The following BCL6 variants were observed in gnomAD, a reference collection of about 807,000 sequenced individuals.
BCL6 encodes the protein B-cell lymphoma 6 protein.
BCL6 carries 7 observed loss-of-function variants against 59.5 expected under a neutral mutation model. The observed-to-expected ratio is 0.12, with a 90% CI of 0.07 to 0.22. The LOEUF (loss-of-function observed/expected upper bound fraction) is 0.22, where lower values mean the gene tolerates loss of function less well. BCL6 is among the 10% of genes least tolerant of loss of function. The probability of loss-of-function intolerance (pLI) is 1.00; values close to 1 mark genes in which losing one functional copy is unlikely to be tolerated. For missense variants in BCL6, 685 were observed against 939.4 expected, an observed-to-expected ratio of 0.73 and a Z score of 3.54; for synonymous variants, 339 against 349.7, an observed-to-expected ratio of 0.97 and a Z score of 0.34.
intron 1 of BCL6, among the ~76,000 whole-genome samples, chr3:187,744,357 T>C (rs1576884771): frequency 6.7e-6 from 1 of 148,626 alleles, no homozygotes; most frequent in Admixed American, 6.7e-5. Context: ...CCGCCATCAG[T>C]CTCTCTCCTC....
chr3:187,744,843 G>C (rs548152060), intron 1 of BCL6, among the ~76,000 whole-genome samples: 3 of 152,170 alleles, frequency 2.0e-5, no homozygotes, highest in East Asian at 1.9e-4. Context: ...CGAGAAAAGA[G>C]GGAAAAAACA....
chr3:187,740,023 G>T (rs1176541796), intron 1 of BCL6, among the ~76,000 whole-genome samples: 4 of 152,178 alleles, frequency 2.6e-5, no homozygotes, highest in Non-Finnish European at 5.9e-5. Context: ...GACGGCTCCC[G>T]CAGTGGGAGG....
In BCL6 at chr3:187,729,714, G is replaced by C; in HGVS notation, c.691C>G (p.Pro231Ala). 1 of 1,614,086 alleles carries C rather than the reference G, an allele frequency of 6.2e-7. No individual in the cohort carries two copies. The highest frequency in any genetic ancestry group is 8.5e-7 in the Non-Finnish European group (1 of 1,179,990). Reference protein sequence around the residue: ...ANPFPKERALPCDSARPVPGE... With the variant: ...ANPFPKERALACDSARPVPGE... Reference sequence around the variant, plus strand: ...GGGACTGGCCTGGCACTATCACATGGGAGTGCCCGCTCCTTGGGGAAGGGG... The same window carrying C: ...GGGACTGGCCTGGCACTATCACATGCGAGTGCCCGCTCCTTGGGGAAGGGG... Residue 231 changes from proline to alanine, a missense_variant, in exon 5 of 10, where the codon CCA becomes GCA. Pro to Ala is a conservative substitution (Grantham distance 27). This residue lies in a region of BCL6 where 268 missense variants were observed against 263.8 expected (regional missense o/e 1.02). Coordinates refer to ENST00000406870, the MANE Select transcript of BCL6 (RefSeq NM_001706.5). The surrounding 1 kb of genome is among the most constrained non-coding windows in gnomAD (Gnocchi z 5.6).
chr3:187,744,871 A>G (rs1711834105), intron 1 of BCL6, among the ~76,000 whole-genome samples: 1 of 152,280 alleles, frequency 6.6e-6, no homozygotes, highest in African/African-American at 2.4e-5. Flanking sequence ...ACGAATCCAG[A>G]GAGATCACAA....
Position 187,745,419 on chromosome 3 carries a change from G to A in BCL6, c.-59C>T, listed in dbSNP as rs1023600015. On this transcript the variant is annotated 5_prime_UTR_variant, in exon 1 of 10. Transcript: ENST00000406870. ...CAACAGCAATAATCACCTGGTGTCC[G>A]GCCTTTCCTAGAAACTTCTTGCATC... 4 of 399,850 alleles carry A rather than the reference G, an allele frequency of 1.0e-5. No homozygotes were observed. In the Admixed American group the frequency reaches 1.8e-4, roughly 18 times the overall value. The allele number at this position is 399,850 out of a possible 1,614,324, so 24.8% of individuals were successfully genotyped here.
chr3:187,728,960 G>A, intron 5 of BCL6, 90 bp downstream of exon 5: 1 of 1,470,460 alleles, frequency 6.8e-7, no homozygotes, highest in South Asian at 1.5e-5. Context: ...CCTCTAATAG[G>A]CTCAGCAATT....
rs1359998695 is a variant in BCL6, at chr3:187,729,922, C to T, written c.483G>A (p.Glu161=). Residue 161 remains glutamate, a synonymous_variant, in exon 5 of 10, where the codon GAG becomes GAA. Transcript: ENST00000406870. The surrounding 1 kb of genome is among the most constrained non-coding windows in gnomAD (Gnocchi z 5.6). The part of the protein sequence containing the change: ...PQDIMAYRGR[E]VVENNLPLRS... ...TCAGTGGCAGGTTGTTCTCCACCAC[C>T]TCACGACCCCGATAGGCCATGATGT... 6 of 1,613,956 alleles carry T rather than the reference C, an allele frequency of 3.7e-6. No individual in the cohort carries two copies. Among genetic ancestry groups the T allele is most frequent in the Non-Finnish European group, 5.1e-6 (6 of 1,179,998 alleles).
intron 1 of BCL6, among the ~76,000 whole-genome samples, 162 bp downstream of exon 1, chr3:187,745,248 A>G (rs191647350): frequency 1.3e-5 from 2 of 152,268 alleles, no homozygotes; most frequent in African/African-American, 4.8e-5. Flanking sequence ...CAATAGATAC[A>G]CATAGAAAAC....
intron 1 of BCL6, among the ~76,000 whole-genome samples, chr3:187,740,604 C>T (rs1371098747): frequency 6.6e-6 from 1 of 152,174 alleles, no homozygotes. Flanking sequence ...CAGTCACTGA[C>T]ATGAAATTCA....
At chr3:187,745,037 C>T (rs1711858343) in intron 1 of BCL6, among the ~76,000 whole-genome samples, 1 of 152,108 alleles carries the variant, frequency 6.6e-6, no homozygotes, top group East Asian at 1.9e-4. Flanking sequence ...CCTTCCTCTC[C>T]TCCACCTCCT....
Position 187,728,484 on chromosome 3 carries a change from G to A in BCL6, c.1416C>T (p.Pro472=). ...SESHSPLYMH[P]PKCTSCGSQS... ...GAGAGCCGCAGGACGTGCACTTCGG[G>A]GGGTGCATGTAGAGTGGTGAGTGGC... Residue 472 remains proline, a synonymous_variant, in exon 6 of 10, where the codon CCC becomes CCT. Coordinates refer to ENST00000406870, the MANE Select transcript of BCL6 (RefSeq NM_001706.5). 6.2e-7 allele frequency: 1 copy of A among 1,611,990 alleles called. No individual in the cohort carries two copies. The highest frequency in any genetic ancestry group is 8.5e-7 in the Non-Finnish European group (1 of 1,179,704).
rs1369675066 is a variant in BCL6 at position 187,729,139 on chromosome 3, G to T, written c.1266C>A (p.Asn422Lys). The change falls in exon 5 of 10, where the codon AAC becomes AAA. Residue 422 changes from asparagine (N) to lysine (K), a missense_variant. By Grantham distance (94) the Asn-to-Lys change is moderately conservative. This residue lies in a region of BCL6 where 207 missense variants were observed against 213.7 expected (regional missense o/e 0.97). Transcript: ENST00000406870. This position sits in a 1 kb window ranked among gnomAD's most constrained non-coding sequence, Gnocchi z 5.6. ...GCTTGGTTGGGGACTGGAGGTCAAG[G>T]TTCTCAGGCTCCATGGGTGGCTGGC... ...PACQPPMEPE[N>K]LDLQSPTKLS... 3 of 1,598,662 alleles carry T rather than the reference G, an allele frequency of 1.9e-6. No individual in the cohort carries two copies. The highest frequency in any genetic ancestry group is 1.7e-6 in the Non-Finnish European group (2 of 1,170,946).
rs762246372 is a variant in BCL6 at position 187,731,703 on chromosome 3, A to G, written c.383+6T>C. On this transcript the variant is annotated splice_donor_region_variant and intron_variant, in intron 4 of 9. Coordinates refer to ENST00000406870, the MANE Select transcript of BCL6 (RefSeq NM_001706.5). ...CTCCGACGCTTCCACCCGGGTAGCA[A>G]CTCACCTGGCCTTAATAAACTTCCG... 3.7e-6 allele frequency: 6 copies of G among 1,613,350 alleles called. No individual in the cohort carries two copies. In the East Asian group the frequency reaches 8.9e-5, roughly 24 times the overall value.
At chr3:187,733,486 C>A in intron 3 of BCL6, 47 bp downstream of exon 3, 1 of 1,598,578 alleles carries the variant, frequency 6.3e-7, no homozygotes, top group Non-Finnish European at 8.5e-7. Context: ...CTGCCAGCAC[C>A]ATCACCCCAC....
Position 187,733,681 on chromosome 3 carries a change from C to T in BCL6, c.13G>A (p.Ala5Thr), listed in dbSNP as rs2108471773. 6.2e-7 allele frequency: 1 copy of T among 1,614,010 alleles called. No homozygotes were observed. Among genetic ancestry groups the T allele is most frequent in the South Asian group, 1.1e-5 (1 of 91,076 alleles). MASP[A>T]DSCIQFTRHA... is the part of the protein sequence containing the mutation. Reference sequence around the variant, plus strand: ...CGGGTGAACTGGATACAGCTGTCAGCCGGCGAGGCCATTTTGTCTTCACTT... The same window carrying T: ...CGGGTGAACTGGATACAGCTGTCAGTCGGCGAGGCCATTTTGTCTTCACTT... The change falls in exon 3 of 10, where the codon GCT (alanine) becomes ACT (threonine). Residue 5 changes from alanine to threonine, a missense_variant. Around this residue, in one of 7 missense-constraint regions of BCL6, gnomAD observed 102 missense variants for 176.6 expected, o/e 0.58. Coordinates refer to ENST00000406870, the MANE Select transcript of BCL6 (RefSeq NM_001706.5).
In BCL6 at chr3:187,725,094, G is replaced by A. The variant is rs1241709963; in HGVS notation, c.1840-16C>T. The A allele has an allele frequency of 1.2e-6, 2 of 1,613,614 alleles. No homozygotes were observed. Among genetic ancestry groups the A allele is most frequent in the Non-Finnish European group, 1.7e-6 (2 of 1,179,986 alleles). On this transcript the variant is annotated splice_polypyrimidine_tract_variant and intron_variant, in intron 8 of 9. Transcript: ENST00000406870. The surrounding 1 kb of genome is among the most constrained non-coding windows in gnomAD (Gnocchi z 4.7). ...GGTGGGCCACCTGAACGAAGAAGAA[G>A]GCATGAGAGGTCTTCTGGGGTGGGC...
intron 9 of BCL6, among the ~76,000 whole-genome samples, chr3:187,723,023 G>C (rs141810270): frequency 6.6e-6 from 1 of 152,182 alleles, no homozygotes; most frequent in Non-Finnish European, 1.5e-5. Context: ...TCCTTCTTCA[G>C]TGGGTAACAC....
In BCL6 at chr3:187,725,219, C is replaced by CT; in HGVS notation, c.1840-142dup. ...GCACACAGGGACTGAGTGGGCCTTTCTGCTGCCCACTCTGCTCACCTGCCC... is the reference window on the plus strand; with the variant it reads ...GCACACAGGGACTGAGTGGGCCTTTCTTGCTGCCCACTCTGCTCACCTGCCC... On this transcript the variant is annotated intron_variant, in intron 8 of 9. Coordinates refer to ENST00000406870, the MANE Select transcript of BCL6 (RefSeq NM_001706.5). This position sits in a 1 kb window ranked among gnomAD's most constrained non-coding sequence, Gnocchi z 4.7. 7.5e-7 allele frequency: 1 copy of CT among 1,337,564 alleles called. No homozygotes were observed. Among genetic ancestry groups the CT allele is most frequent in the East Asian group, 2.4e-5 (1 of 40,996 alleles). 82.9% of individuals were successfully genotyped at this position (1,337,564 alleles called of 1,614,324 possible).
chr3:187,745,234 A>C (rs562159033), intron 1 of BCL6, among the ~76,000 whole-genome samples, 176 bp downstream of exon 1: 2 of 152,314 alleles, frequency 1.3e-5, no homozygotes, highest in African/African-American at 4.8e-5. Flanking sequence ...ATATACATTT[A>C]TATCAATAGA....
Sources: gnomAD v4.1 joint callset for allele counts (sites outside exome capture counted in the v4.1 genomes callset) on GRCh38, gnomAD v4.1.1 for gene constraint, gnomAD v4.1.1 regional missense constraint, Gnocchi (gnomAD v3.1) non-coding constraint, MANE v1.5 for transcripts, NCBI Gene and HGNC (gene_info 2026-07-23, HGNC 2026-07-21) for gene names.